The following SCHIP1 variants were observed in gnomAD, a reference collection of about 807,000 sequenced individuals.
SCHIP1 encodes schwannomin interacting protein 1, also known as schwannomin-interacting protein 1.
In SCHIP1, 8 loss-of-function variants were observed where a neutral mutation model predicts 29.7. The observed-to-expected ratio is 0.27, with a 90% CI of 0.16 to 0.49. The LOEUF is 0.49. Among genes scored for constraint, SCHIP1 ranks in the 20% least tolerant of loss-of-function variants. The pLI is 0.99. For synonymous variants in SCHIP1, 76 were observed against 94.9 expected, an observed-to-expected ratio of 0.80 and a Z score of 1.16; for missense variants, 193 against 294.6, an observed-to-expected ratio of 0.66 and a Z score of 2.52.
chr3:159,391,190 C>T, the SCHIP1 span, among the ~76,000 whole-genome samples: 1 of 152,246 alleles, frequency 6.6e-6, no homozygotes, highest in African/African-American at 2.4e-5. Context: ...CTACTGCCAA[C>T]AAAAAATCAG....
the SCHIP1 span, among the ~76,000 whole-genome samples, chr3:159,402,869 C>A: frequency 1.3e-5 from 2 of 151,908 alleles, no homozygotes; most frequent in African/African-American, 4.8e-5. Context: ...CAGCATGGCA[C>A]ATGTATACAT....
the SCHIP1 span, among the ~76,000 whole-genome samples, chr3:159,278,231 C>T: frequency 6.6e-6 from 1 of 152,138 alleles, no homozygotes; most frequent in African/African-American, 2.4e-5. Context: ...TTAATCCTCC[C>T]TGAGCTCCTT....
At chr3:159,750,888 A>G in the SCHIP1 span, among the ~76,000 whole-genome samples, 2 of 103,342 alleles carry the variant, frequency 1.9e-5, no homozygotes, top group African/African-American at 6.3e-5. Flanking sequence ...AAGACTCTTC[A>G]TTTTCCAAAC....
At chr3:159,824,612 T>A in the SCHIP1 span, among the ~76,000 whole-genome samples, 1 of 152,226 alleles carries the variant, frequency 6.6e-6, no homozygotes, top group African/African-American at 2.4e-5. Flanking sequence ...CAGAATTAAT[T>A]TATCACCTTG....
chr3:159,576,026 GTTCA>G, the SCHIP1 span, among the ~76,000 whole-genome samples: 7 of 152,156 alleles, frequency 4.6e-5, no homozygotes, highest in East Asian at 1.4e-3. Flanking sequence ...GCCTTTGGAA[GTTCA>G]TTCAGTAATT....
chr3:159,657,895 C>T, the SCHIP1 span, among the ~76,000 whole-genome samples: 1 of 152,204 alleles, frequency 6.6e-6, no homozygotes, highest in Non-Finnish European at 1.5e-5. Context: ...ATGAAGCACA[C>T]CCTGACTTAT....
the SCHIP1 span, among the ~76,000 whole-genome samples, chr3:159,344,063 T>C: frequency 2.0e-5 from 3 of 152,194 alleles, no homozygotes; most frequent in African/African-American, 4.8e-5. Context: ...CTAGGCGCAG[T>C]GGCTCATGCC....
chr3:159,375,420 C>A, the SCHIP1 span, among the ~76,000 whole-genome samples: 1 of 152,164 alleles, frequency 6.6e-6, no homozygotes. Context: ...TTTGAAGTAG[C>A]TTCTCATATT....
At chr3:159,657,914 A>G in the SCHIP1 span, among the ~76,000 whole-genome samples, 5 of 152,206 alleles carry the variant, frequency 3.3e-5, no homozygotes, top group African/African-American at 9.7e-5. Flanking sequence ...ATAGCTATGA[A>G]GCTTCCAGGG....
At chr3:159,492,577 G>A in the SCHIP1 span, among the ~76,000 whole-genome samples, 4 of 152,150 alleles carry the variant, frequency 2.6e-5, no homozygotes, top group African/African-American at 9.7e-5. Context: ...AATGAACAAA[G>A]CCTCCAAGAA....
chr3:159,862,356 G>GTAACCTT (rs1457444621), intron 1 of SCHIP1, among the ~76,000 whole-genome samples: 1 of 152,196 alleles, frequency 6.6e-6, no homozygotes, highest in Non-Finnish European at 1.5e-5. Flanking sequence ...TAACAGTATG[G>GTAACCTT]TAACCTTTCA....
In SCHIP1 at chr3:159,892,209, T is replaced by C. The variant is rs200724535; in HGVS notation, c.683+19T>C. Reference sequence around the variant, plus strand: ...TGACCAGGTCAGTGTGGCTTCACTCTTGCCAAAGAAGAAAAGCCCAGGGTG... The same window carrying C: ...TGACCAGGTCAGTGTGGCTTCACTCCTGCCAAAGAAGAAAAGCCCAGGGTG... On this transcript the variant is annotated intron_variant, in intron 6 of 6. Transcript: ENST00000445224. 6.2e-7 allele frequency: 1 copy of C among 1,613,976 alleles called. No homozygotes were observed. Among genetic ancestry groups the C allele is most frequent in the African/African-American group, 1.3e-5 (1 of 75,058 alleles).
chr3:159,776,937 G>A, the SCHIP1 span, among the ~76,000 whole-genome samples: 1 of 152,146 alleles, frequency 6.6e-6, no homozygotes, highest in Admixed American at 6.5e-5. Context: ...GGGCCCAGTG[G>A]GAGAGGACCA....
the SCHIP1 span, among the ~76,000 whole-genome samples, chr3:159,382,387 T>C: frequency 2.0e-5 from 3 of 151,510 alleles, no homozygotes; most frequent in African/African-American, 7.3e-5. Context: ...GATAGTTTAC[T>C]GAGAATGATG....
the SCHIP1 span, among the ~76,000 whole-genome samples, chr3:159,491,414 C>T: frequency 0.092 from 13,932 of 152,248 alleles, 941 homozygotes; most frequent in South Asian, 0.33. Flanking sequence ...CCTAATACTG[C>T]GCTTTTCCAA....
At chr3:159,441,477 G>A in the SCHIP1 span, among the ~76,000 whole-genome samples, 42,828 of 151,660 alleles carry the variant, frequency 0.28, 8,155 homozygotes, top group African/African-American at 0.54. Flanking sequence ...GGTTTTTTTT[G>A]GCGGGGTGAC....
At chr3:159,819,707 G>A in the SCHIP1 span, among the ~76,000 whole-genome samples, 6 of 152,342 alleles carry the variant, frequency 3.9e-5, no homozygotes, top group South Asian at 1.2e-3. Flanking sequence ...ACTGGAAAGT[G>A]TAGAGATAAT....
the SCHIP1 span, among the ~76,000 whole-genome samples, chr3:159,455,383 C>A: frequency 6.6e-6 from 1 of 152,132 alleles, no homozygotes; most frequent in South Asian, 2.1e-4. Context: ...ACCTATAGAC[C>A]CAGATGGCCA....
the SCHIP1 span, among the ~76,000 whole-genome samples, chr3:159,422,941 G>A: frequency 1.7e-5 from 2 of 117,506 alleles, no homozygotes; most frequent in African/African-American, 2.7e-5. Context: ...GAAACATGTA[G>A]GATATTCTAT....
Sources: allele counts gnomAD v4.1 joint callset (sites outside exome capture counted in the v4.1 genomes callset), GRCh38; gene constraint gnomAD v4.1.1; transcripts MANE v1.5; gene names NCBI Gene and HGNC (gene_info 2026-07-23, HGNC 2026-07-21).